The following PDE6C variants were observed in gnomAD, a reference collection of about 807,000 sequenced individuals.
PDE6C encodes phosphodiesterase 6C, also known as cone cGMP-specific 3',5'-cyclic phosphodiesterase subunit alpha'.
In PDE6C, 75 loss-of-function variants were observed where a neutral mutation model predicts 113.1. The ratio of observed to expected loss-of-function variants is 0.66; its 90% CI spans 0.55 to 0.80. PDE6C has a LOEUF of 0.80. PDE6C is among the 30% of genes least tolerant of loss of function. The pLI is 0.00. For synonymous variants in PDE6C, 375 were observed against 363.7 expected (o/e 1.03, Z -0.35); for missense variants, 912 against 1,038.6 (o/e 0.88, Z 1.67).
In PDE6C at chr10:93,663,066, G is replaced by A; in HGVS notation, c.2406G>A (p.Leu802=). The A allele has an allele frequency of 6.2e-7, 1 of 1,613,006 alleles. No individual in the cohort carries two copies. Among genetic ancestry groups the A allele is most frequent in the South Asian group, 1.1e-5 (1 of 91,040 alleles). Reference sequence around the variant, plus strand: ...TTCACAAAGAAATCACACCTATGCTGAGTGGTCTTCAGAATAACAGAGTAG... The same window carrying A: ...TTCACAAAGAAATCACACCTATGCTAAGTGGTCTTCAGAATAACAGAGTAG... The part of the protein sequence containing the change: ...SRFHKEITPM[L]SGLQNNRVEW... The change falls in exon 21 of 22, where the codon CTG becomes CTA. Residue 802 remains leucine, a synonymous_variant. Coordinates refer to ENST00000371447, the MANE Select transcript of PDE6C (RefSeq NM_006204.4).
At chr10:93,659,052 T>C in intron 17 of PDE6C, 44 bp downstream of exon 17, 2 of 1,576,768 alleles carry the variant, frequency 1.3e-6, no homozygotes, top group Non-Finnish European at 1.7e-6. Flanking sequence ...TTTGTAAAAA[T>C]AACTTATTTT....
chr10:93,658,814 A>G, intron 16 of PDE6C, 87 bp from the exon 17 acceptor site: 1 of 803,160 alleles, frequency 1.2e-6, no homozygotes, highest in Non-Finnish European at 2.1e-6. Context: ...CAAAGTGGGA[A>G]CGTGAAATCT....
chr10:93,662,305 A>T (rs1348069718), intron 19 of PDE6C, among the ~76,000 whole-genome samples, 172 bp downstream of exon 19: 1 of 151,988 alleles, frequency 6.6e-6, no homozygotes, highest in East Asian at 1.9e-4. Context: ...TCTACTAAAA[A>T]TACAAAAATT....
chr10:93,651,748 C>T (rs1419460770), intron 15 of PDE6C, among the ~76,000 whole-genome samples: 1 of 152,134 alleles, frequency 6.6e-6, no homozygotes, highest in African/African-American at 2.4e-5. Context: ...GTCTGCCTTC[C>T]CTCCTTCACT....
chr10:93,658,873 T>C (rs763802683), intron 16 of PDE6C, 28 bp from the exon 17 acceptor site: 1 of 1,292,652 alleles, frequency 7.7e-7, no homozygotes, highest in Non-Finnish European at 1.1e-6. Flanking sequence ...TAAGCTAAAA[T>C]TGTTGCTCAC....
intron 14 of PDE6C, among the ~76,000 whole-genome samples, chr10:93,644,815 T>G (rs1428534478): frequency 6.1e-5 from 9 of 147,278 alleles, no homozygotes; most frequent in African/African-American, 2.2e-4. Flanking sequence ...ATAGTATGTA[T>G]ATAGTACTAT....
rs186810401 is a variant in PDE6C at position 93,621,866 on chromosome 10, G to A, written c.724-66G>A. The A allele has an allele frequency of 2.3e-5, 33 of 1,426,466 alleles. No individual in the cohort carries two copies. In the African/African-American group the frequency reaches 4.2e-4, roughly 18 times the overall value. The allele number at this position is 1,426,466 out of a possible 1,614,324, so 88.4% of individuals were successfully genotyped here. ...TTGATGCACCTCATGTTTTCTTGTG[G>A]TGAATGCTCTATCTCTCCATAGCAT... On this transcript the variant is annotated intron_variant, in intron 3 of 21. Coordinates refer to ENST00000371447, the MANE Select transcript of PDE6C (RefSeq NM_006204.4).
chr10:93,634,181 C>G (rs1348868939), intron 8 of PDE6C, among the ~76,000 whole-genome samples: 1 of 152,094 alleles, frequency 6.6e-6, no homozygotes, highest in African/African-American at 2.4e-5. Flanking sequence ...CACCATCACG[C>G]CTGGCTAATT....
intron 11 of PDE6C, among the ~76,000 whole-genome samples, chr10:93,638,440 C>T (rs1263075901): frequency 3.3e-5 from 5 of 152,248 alleles, no homozygotes; most frequent in Non-Finnish European, 7.4e-5. Flanking sequence ...CAGAAGACCA[C>T]CCTTTCTTCT....
chr10:93,640,074 A>G lies in PDE6C; in HGVS notation c.1487A>G (p.Glu496Gly), dbSNP rs1455193378. ...EEKQLVAILK[E>G]DLPDPRSAEL... ...AACCCATCCTTATTTCAACAGAAAG[A>G]GGACTTGCCAGACCCACGCTCAGCA... is the stretch of plus-strand genomic sequence containing the variant. The change falls in exon 12 of 22, where the codon GAG becomes GGG. Residue 496 changes from glutamate to glycine, a missense_variant. By Grantham distance (98) the Glu-to-Gly change is moderately conservative. Coordinates refer to ENST00000371447, the MANE Select transcript of PDE6C (RefSeq NM_006204.4). 1 of 1,614,124 alleles carries G rather than the reference A, an allele frequency of 6.2e-7. No individual in the cohort carries two copies.
At chr10:93,662,746 TG>T (rs2058671936) in intron 20 of PDE6C, 103 bp downstream of exon 20, 1 of 722,368 alleles carries the variant, frequency 1.4e-6, no homozygotes. Flanking sequence ...GGAAAGCCAT[TG>T]GGGTATCACT....
chr10:93,636,545 C>T (rs2058532387), intron 10 of PDE6C, among the ~76,000 whole-genome samples: 1 of 151,724 alleles, frequency 6.6e-6, no homozygotes, highest in African/African-American at 2.4e-5. Flanking sequence ...CTGTGATAAG[C>T]TAATACAAAA....
intron 3 of PDE6C, 36 bp from the exon 4 acceptor site, chr10:93,621,869 AATGCTCTATCTCTCCATAGCATACTTT>A: frequency 6.9e-7 from 1 of 1,439,198 alleles, no homozygotes; most frequent in Non-Finnish European, 9.7e-7. Context: ...TCTTGTGGTG[AATGCTCTATCTCTCCATAGCATACTTT>A]ATTCTAACTG....
intron 15 of PDE6C, among the ~76,000 whole-genome samples, chr10:93,654,024 T>A (rs2058621457): frequency 6.6e-6 from 1 of 152,240 alleles, no homozygotes; most frequent in African/African-American, 2.4e-5. Context: ...AGGTTTGCAA[T>A]TCTATTTCTA....
chr10:93,638,007 A>C, intron 11 of PDE6C, among the ~76,000 whole-genome samples: 1 of 152,136 alleles, frequency 6.6e-6, no homozygotes, highest in Admixed American at 6.6e-5. Context: ...CTTTATTCCT[A>C]CTATTAGGGT....
intron 8 of PDE6C, among the ~76,000 whole-genome samples, chr10:93,631,435 C>G: frequency 6.6e-6 from 1 of 152,244 alleles, no homozygotes; most frequent in East Asian, 1.9e-4. Context: ...CCCTGCCAGG[C>G]AGCTTGGGCC....
In PDE6C at chr10:93,622,048, A is replaced by ACTG; in HGVS notation, c.844_846dup (p.Leu282dup). On this transcript the variant is annotated inframe_insertion, in exon 4 of 22. Transcript: ENST00000371447. ...TGAACTGTGAACGATACTCCATTGG[A>ACTG]CTGCTGGACATGACCAAGGAGAAGG... is the stretch of plus-strand genomic sequence containing the variant. 6.2e-7 allele frequency: 1 copy of ACTG among 1,614,074 alleles called. No homozygotes were observed. The highest frequency in any genetic ancestry group is 8.5e-7 in the Non-Finnish European group (1 of 1,179,994).
At chr10:93,645,571 G>T (rs1281875977) in intron 14 of PDE6C, among the ~76,000 whole-genome samples, 1 of 152,122 alleles carries the variant, frequency 6.6e-6, no homozygotes, top group Non-Finnish European at 1.5e-5. Flanking sequence ...TGTCTTGGGG[G>T]AGGAGAGAAA....
chr10:93,619,668 C>T (rs1334036668), intron 1 of PDE6C, among the ~76,000 whole-genome samples: 5 of 152,158 alleles, frequency 3.3e-5, no homozygotes, highest in African/African-American at 4.8e-5. Context: ...TCAGGTGATC[C>T]GCCTGCCTTG....
Sources: allele counts gnomAD v4.1 joint callset (sites outside exome capture counted in the v4.1 genomes callset), GRCh38; gene constraint gnomAD v4.1.1; transcripts MANE v1.5; gene names NCBI Gene and HGNC (gene_info 2026-07-23, HGNC 2026-07-21).